The following CDH8 variants were observed in gnomAD, a reference collection of about 807,000 sequenced individuals.
CDH8 encodes the protein cadherin 8.
CDH8 carries 17 observed loss-of-function variants against 68.1 expected under a neutral mutation model. The ratio of observed to expected loss-of-function variants is 0.25; its 90% CI spans 0.17 to 0.37. The LOEUF is 0.37. Among genes scored for constraint, CDH8 ranks in the 10% least tolerant of loss-of-function variants. The pLI, the probability that CDH8 is intolerant of heterozygous loss-of-function variation, is 1.00. For missense variants in CDH8, 763 were observed against 999.3 expected, an observed-to-expected ratio of 0.76 and a Z score of 3.19; for synonymous variants, 372 against 365.1, an observed-to-expected ratio of 1.02 and a Z score of -0.21.
chr16:61,790,403 A>G (rs933240192), intron 7 of CDH8, among the ~76,000 whole-genome samples: 8 of 152,080 alleles, frequency 5.3e-5, no homozygotes, highest in Non-Finnish European at 8.8e-5. Context: ...AAAGACTACA[A>G]GGTGGACTAT....
chr16:62,021,400 G>C lies in CDH8; in HGVS notation c.4C>G (p.Pro2Ala), dbSNP rs1278605734. Reference protein sequence around the residue: MPERLAEMLLDL... With the variant: MAERLAEMLLDL... The stretch of plus-strand genomic sequence containing the variant: ...AAGAGCATTTCCGCTAGCCGTTCTG[G>C]CATGGTCCCACCAGTTAAGCAAATC... The change falls in exon 2 of 12, where the codon CCA becomes GCA. Residue 2 changes from proline (P) to alanine (A), a missense_variant. Physicochemically the swap from Pro to Ala is conservative, Grantham distance 27 (BLOSUM62 -1). This residue lies in a region of CDH8 where 366 missense variants were observed against 563.1 expected (regional missense o/e 0.65). Transcript: ENST00000577390. The C allele has an allele frequency of 6.2e-7, 1 of 1,606,410 alleles. No individual in the cohort carries two copies. Among genetic ancestry groups the C allele is most frequent in the African/African-American group, 1.3e-5 (1 of 74,628 alleles).
intron 9 of CDH8, among the ~76,000 whole-genome samples, chr16:61,716,611 A>G (rs1219230402): frequency 6.6e-6 from 1 of 151,666 alleles, no homozygotes; most frequent in Non-Finnish European, 1.5e-5. Context: ...TTCTCTCCTC[A>G]TAATTCATTA....
intron 2 of CDH8, among the ~76,000 whole-genome samples, chr16:61,930,669 T>C (rs578182846): frequency 6.6e-6 from 1 of 152,336 alleles, no homozygotes; most frequent in East Asian, 1.9e-4. Context: ...GGACCCTTTA[T>C]TTCATAAAAA....
chr16:61,951,298 T>C (rs1184763398), intron 2 of CDH8, among the ~76,000 whole-genome samples: 1 of 151,556 alleles, frequency 6.6e-6, no homozygotes, highest in Non-Finnish European at 1.5e-5. Flanking sequence ...GATCACGAGG[T>C]CAGGAGATCG....
At chr16:61,840,538 C>T (rs1399842932) in intron 4 of CDH8, among the ~76,000 whole-genome samples, 3 of 152,174 alleles carry the variant, frequency 2.0e-5, no homozygotes, top group Non-Finnish European at 4.4e-5. Context: ...TTTTCAATGG[C>T]TCAATGCATG....
chr16:61,868,537 T>G (rs1243306211), intron 3 of CDH8, among the ~76,000 whole-genome samples: 1 of 152,188 alleles, frequency 6.6e-6, no homozygotes, highest in Non-Finnish European at 1.5e-5. Context: ...AGTCCCAACA[T>G]AAGCCAGAAT....
At chr16:61,660,033 A>G (rs1335668022) in intron 10 of CDH8, among the ~76,000 whole-genome samples, 1 of 152,168 alleles carries the variant, frequency 6.6e-6, no homozygotes, top group Non-Finnish European at 1.5e-5. Context: ...AACAATTGTA[A>G]TTCTAAAGTG....
At chr16:61,713,481 T>C (rs1964667579) in intron 10 of CDH8, among the ~76,000 whole-genome samples, 1 of 151,686 alleles carries the variant, frequency 6.6e-6, no homozygotes, top group South Asian at 2.1e-4. Context: ...AAACATTCAA[T>C]TAAAACTTAA....
intron 8 of CDH8, among the ~76,000 whole-genome samples, chr16:61,762,148 G>GT (rs1960487136): frequency 1.3e-5 from 2 of 152,160 alleles, no homozygotes; most frequent in Admixed American, 1.3e-4. Context: ...GGCATTGCCC[G>GT]TGGTGGTGTA....
chr16:61,943,920 A>G (rs1028131141), intron 2 of CDH8, among the ~76,000 whole-genome samples: 1 of 152,248 alleles, frequency 6.6e-6, no homozygotes, highest in African/African-American at 2.4e-5. Context: ...TGTCAACAAA[A>G]GAAGGGAATC....
chr16:61,775,970 C>A (rs932158660), intron 8 of CDH8, among the ~76,000 whole-genome samples: 2 of 152,056 alleles, frequency 1.3e-5, no homozygotes, highest in African/African-American at 4.8e-5. Context: ...ACTATTTCAG[C>A]CCTCTTTCTC....
At chr16:61,754,061 A>T (rs1960246027) in intron 8 of CDH8, among the ~76,000 whole-genome samples, 1 of 152,144 alleles carries the variant, frequency 6.6e-6, no homozygotes, top group Non-Finnish European at 1.5e-5. Flanking sequence ...TCTCAAACTT[A>T]ATACTGTCTG....
chr16:61,980,453 C>CATCATAGTATCATCAT (rs1390157609), intron 2 of CDH8, among the ~76,000 whole-genome samples: 1 of 152,140 alleles, frequency 6.6e-6, no homozygotes, highest in Non-Finnish European at 1.5e-5. Context: ...ATCATCATAT[C>CATCATAGTATCATCAT]ATCATAGTAT....
chr16:61,782,929 C>T (rs1218188975), intron 8 of CDH8, among the ~76,000 whole-genome samples: 3 of 152,050 alleles, frequency 2.0e-5, no homozygotes, highest in East Asian at 3.9e-4. Flanking sequence ...CACCGAAAAC[C>T]TATCTGTACA....
Position 61,648,021 on chromosome 16 carries a change from T to C in CDH8, c.*5587A>G. ...GGAAATAGTACCCAAAGGCACTATT[T>C]TCACCAGCAAATGCCTACTAACCTT... is the stretch of plus-strand genomic sequence containing the variant. On this transcript the variant is annotated 3_prime_UTR_variant, in exon 12 of 12. Coordinates refer to ENST00000577390, the MANE Select transcript of CDH8 (RefSeq NM_001796.5). 1.0e-5 allele frequency: 6 copies of C among 583,482 alleles called. No homozygotes were observed. The highest frequency in any genetic ancestry group is 3.9e-4 in the Middle Eastern group (1 of 2,542). 36.1% of individuals were successfully genotyped at this position (583,482 alleles called of 1,614,324 possible). A position where few individuals can be genotyped will look rare whatever the true frequency, so the allele number is the denominator to read the frequency against.
chr16:61,680,131 C>T (rs760242443), intron 10 of CDH8, among the ~76,000 whole-genome samples: 1 of 151,952 alleles, frequency 6.6e-6, no homozygotes, highest in Non-Finnish European at 1.5e-5. Flanking sequence ...CAACCCAAAT[C>T]TGTTCTCCTC....
intron 2 of CDH8, among the ~76,000 whole-genome samples, chr16:61,955,083 T>C (rs1262565757): frequency 6.6e-6 from 1 of 152,180 alleles, no homozygotes; most frequent in African/African-American, 2.4e-5. Context: ...AGAAAAGGAT[T>C]TGCACCTAAT....
chr16:61,929,248 G>A (rs533523849), intron 2 of CDH8, among the ~76,000 whole-genome samples: 2 of 152,192 alleles, frequency 1.3e-5, no homozygotes, highest in African/African-American at 4.8e-5. Context: ...CCTGTGTTAT[G>A]TATTTTCTAT....
intron 6 of CDH8, among the ~76,000 whole-genome samples, 160 bp downstream of exon 6, chr16:61,820,766 A>G (rs1269479270): frequency 6.6e-6 from 1 of 151,918 alleles, no homozygotes; most frequent in Non-Finnish European, 1.5e-5. Flanking sequence ...AAGAGATAAG[A>G]GTTGCCAAAA....
Sources: allele counts gnomAD v4.1 joint callset (sites outside exome capture counted in the v4.1 genomes callset), GRCh38; gene constraint gnomAD v4.1.1; regional missense constraint gnomAD v4.1.1; transcripts MANE v1.5; gene names NCBI Gene and HGNC (gene_info 2026-07-23, HGNC 2026-07-21).